Variants in PTP4A1 observed in about 807,000 individuals in gnomAD.
The protein encoded by PTP4A1 is protein tyrosine phosphatase 4A1.
In PTP4A1, 9 loss-of-function variants were observed where a neutral mutation model predicts 20.5. That is an observed-to-expected ratio of 0.44 (90% CI 0.26 to 0.77). The LOEUF (loss-of-function observed/expected upper bound fraction) is 0.77. Among genes scored for constraint, PTP4A1 ranks in the 30% least tolerant of loss-of-function variants. The probability of loss-of-function intolerance (pLI) is 0.19; values close to 1 mark genes in which losing one functional copy is unlikely to be tolerated. For missense variants in PTP4A1, 137 were observed against 218.8 expected (o/e 0.63, Z 2.36); for synonymous variants, 78 against 67.4 (o/e 1.16, Z -0.77).
intron 2 of PTP4A1, among the ~76,000 whole-genome samples, chr6:63,532,759 G>T (rs1035321817): frequency 2.0e-5 from 3 of 151,962 alleles, no homozygotes; most frequent in Non-Finnish European, 4.4e-5. Flanking sequence ...AAACACATGA[G>T]CATGTTCAAT....
chr6:63,573,118 C>A, intron 1 of PTP4A1: 1 of 163,640 alleles, frequency 6.1e-6, no homozygotes, highest in Non-Finnish European at 1.3e-5. Flanking sequence ...TGGTCTGGCG[C>A]GACCCGTCCG....
chr6:63,518,389 A>C (rs1428965870), upstream of PTP4A1, among the ~76,000 whole-genome samples: 1 of 152,170 alleles, frequency 6.6e-6, no homozygotes, highest in East Asian at 1.9e-4. Flanking sequence ...GGCAAGAATA[A>C]ATTTTATAAT....
chr6:63,561,638 G>A (rs1203362835), intron 3 of PTP4A1, among the ~76,000 whole-genome samples: 1 of 152,112 alleles, frequency 6.6e-6, no homozygotes, highest in Non-Finnish European at 1.5e-5. Flanking sequence ...TTATACCCAA[G>A]TCACCTTGGG....
At chr6:63,556,860 G>T (rs765187779) in intron 3 of PTP4A1, among the ~76,000 whole-genome samples, 3 of 152,170 alleles carry the variant, frequency 2.0e-5, no homozygotes, top group Non-Finnish European at 2.9e-5. Flanking sequence ...TAGCACTTAG[G>T]TGATACTATC....
intron 2 of PTP4A1, among the ~76,000 whole-genome samples, chr6:63,539,077 G>C (rs1008532010): frequency 2.0e-5 from 3 of 151,890 alleles, no homozygotes; most frequent in African/African-American, 7.3e-5. Flanking sequence ...TTTTTTAGTA[G>C]AGTAGAGGTT....
At chr6:63,535,922 G>A (rs552339011) in intron 2 of PTP4A1, among the ~76,000 whole-genome samples, 29 of 152,256 alleles carry the variant, frequency 1.9e-4, no homozygotes, top group Non-Finnish European at 3.2e-4. Flanking sequence ...ACAGGCGTGC[G>A]CCACCATGCA....
At chr6:63,537,138 G>C (rs1318630117) in intron 2 of PTP4A1, among the ~76,000 whole-genome samples, 1 of 152,170 alleles carries the variant, frequency 6.6e-6, no homozygotes, top group Non-Finnish European at 1.5e-5. Flanking sequence ...GAATGAATTA[G>C]AATAATGTTC....
chr6:63,544,073 T>C (rs1276021437), intron 2 of PTP4A1, among the ~76,000 whole-genome samples: 1 of 152,170 alleles, frequency 6.6e-6, no homozygotes, highest in African/African-American at 2.4e-5. Flanking sequence ...GGAGTTTCCT[T>C]TTCTGCCTGT....
At chr6:63,529,161 GTGTA>G (rs1416923226) in intron 2 of PTP4A1, among the ~76,000 whole-genome samples, 1 of 102,144 alleles carries the variant, frequency 9.8e-6, no homozygotes, top group Non-Finnish European at 1.9e-5. Flanking sequence ...ATATATATGT[GTGTA>G]TATATATATA....
At chr6:63,570,378 C>T (rs1275314468), upstream of PTP4A1, among the ~76,000 whole-genome samples, 1 of 152,136 alleles carries the variant, frequency 6.6e-6, no homozygotes, top group Non-Finnish European at 1.5e-5. Context: ...ACAGCAAAAG[C>T]CTTATTTTTT....
At position 63,556,551 on chromosome 6, in the gene PTP4A1, C is replaced by T. The variant is rs573016475; in HGVS notation, c.-446+6058C>T. On this transcript the variant is annotated intron_variant, in intron 3 of 3. Transcript: ENST00000639568. ...GCCTTGTTAGGTATTTTTCTCAGGG[C>T]GTGGTTTCTGTATGCCTCATAATGC... Among the ~76,000 whole-genome samples, 7 of 152,188 alleles carry T rather than the reference C, an allele frequency of 4.6e-5. No individual in the cohort carries two copies. The East Asian group carries it at 7.7e-4, about 17-fold the overall frequency.
chr6:63,576,949 C>G lies in PTP4A1; in HGVS notation c.69C>G (p.His23Gln). Residue 23 changes from histidine to glutamine, a missense_variant, in exon 2 of 6, where the codon CAC (histidine) becomes CAG (glutamine). Physicochemically the swap from His to Gln is conservative, Grantham distance 24. Transcript: ENST00000626021. The stretch of plus-strand genomic sequence containing the variant: ...AGAACATGAGATTTCTTATTACACA[C>G]AATCCAACCAATGCGACCTTAAACA... ...TYKNMRFLIT[H>Q]NPTNATLNKF... 6.2e-7 allele frequency: 1 copy of G among 1,613,976 alleles called. No homozygotes were observed. The highest frequency in any genetic ancestry group is 2.2e-5 in the East Asian group (1 of 44,860).
chr6:63,549,675 G>A (rs779083714), intron 2 of PTP4A1, among the ~76,000 whole-genome samples: 12 of 151,848 alleles, frequency 7.9e-5, no homozygotes, highest in Non-Finnish European at 1.6e-4. Flanking sequence ...TAGAACTGGA[G>A]GACATTATGT....
At chr6:63,519,102 G>C (rs971972744), upstream of PTP4A1, among the ~76,000 whole-genome samples, 3 of 152,196 alleles carry the variant, frequency 2.0e-5, no homozygotes, top group Non-Finnish European at 4.4e-5. Flanking sequence ...ATCGCCTGAA[G>C]TTCAAGACCA....
chr6:63,530,919 A>G (rs1457463652), intron 2 of PTP4A1, among the ~76,000 whole-genome samples: 1 of 152,214 alleles, frequency 6.6e-6, no homozygotes, highest in Non-Finnish European at 1.5e-5. Context: ...AATGGTTTCC[A>G]TACCAATGGA....
intron 2 of PTP4A1, among the ~76,000 whole-genome samples, chr6:63,542,790 T>A (rs1294852814): frequency 1.3e-5 from 2 of 152,086 alleles, no homozygotes; most frequent in Non-Finnish European, 2.9e-5. Flanking sequence ...AAATCCTACA[T>A]CCTTTCCATT....
chr6:63,577,550 G>A (rs1247179297), intron 2 of PTP4A1, among the ~76,000 whole-genome samples: 1 of 151,922 alleles, frequency 6.6e-6, no homozygotes, highest in African/African-American at 2.4e-5. Flanking sequence ...AGAACATAAT[G>A]GAAATACTTT....
At chr6:63,529,133 G>GTA (rs1775329989) in intron 2 of PTP4A1, among the ~76,000 whole-genome samples, 1 of 136,156 alleles carries the variant, frequency 7.3e-6, no homozygotes, top group South Asian at 2.4e-4. Flanking sequence ...ATATATATGT[G>GTA]TGTGTATATA....
intron 5 of PTP4A1, 80 bp from the exon 6 acceptor site, chr6:63,579,977 G>T: frequency 9.9e-7 from 1 of 1,007,178 alleles, no homozygotes; most frequent in Non-Finnish European, 1.5e-6. Context: ...CACAAGAGAG[G>T]TGATGGTTGT....
Sources: gnomAD v4.1 joint callset for allele counts (sites outside exome capture counted in the v4.1 genomes callset) on GRCh38, gnomAD v4.1.1 for gene constraint, MANE v1.5 for transcripts, NCBI Gene and HGNC (gene_info 2026-07-23, HGNC 2026-07-21) for gene names.